Variants in LIG1 observed in about 807,000 individuals in gnomAD.
LIG1 encodes the protein ligase I, DNA, ATP-dependent.
In LIG1, 70 loss-of-function variants were observed where a neutral mutation model predicts 115.7. The ratio of observed to expected loss-of-function variants is 0.60; its 90% CI spans 0.50 to 0.74. LIG1 has a LOEUF of 0.74. LIG1 is among the 30% of genes least tolerant of loss of function. LIG1 has a pLI of 0.00. For synonymous variants in LIG1, 487 were observed against 495.3 expected (o/e 0.98, Z 0.22); for missense variants, 1,115 against 1,225.6 (o/e 0.91, Z 1.35).
chr19:48,161,143 G>A, intron 4 of LIG1: 1 of 603,632 alleles, frequency 1.7e-6, no homozygotes, highest in Non-Finnish European at 3.0e-6. Context: ...GGAGCTGCAT[G>A]TTACAGTTGA....
rs1207275566 is a variant in LIG1, at chr19:48,134,052, A to G, written c.1538T>C (p.Leu513Pro). The G allele has an allele frequency of 1.9e-6, 3 of 1,556,506 alleles. No individual in the cohort carries two copies. Among genetic ancestry groups the G allele is most frequent in the South Asian group, 2.4e-5 (2 of 84,462 alleles). Residue 513 changes from leucine to proline, a missense_variant, in exon 17 of 28, where the codon CTG (leucine) becomes CCG (proline). Transcript: ENST00000263274. ...CAGCAGCACGGGGATAATTCGGTCC[A>G]GGTCGGGAACCTCGCTGGGGTGGCG... is the stretch of plus-strand genomic sequence containing the variant. ...LKQTFCEVPD[L>P]DRIIPVLLEH...
chr19:48,149,454 A>G (rs1362622417), intron 9 of LIG1, among the ~76,000 whole-genome samples: 1 of 152,146 alleles, frequency 6.6e-6, no homozygotes, highest in Non-Finnish European at 1.5e-5. Context: ...GGTGTTAGAA[A>G]GATCCCCCAG....
chr19:48,117,971 C>G, intron 25 of LIG1, 190 bp from the exon 26 acceptor site: 1 of 636,284 alleles, frequency 1.6e-6, no homozygotes, highest in South Asian at 1.9e-5. Flanking sequence ...GAAAGAGAAA[C>G]AGAAAGTGAA....
At chr19:48,169,681 C>T (rs2036669722) in intron 1 of LIG1, 1 of 162,790 alleles carries the variant, frequency 6.1e-6, no homozygotes, top group African/African-American at 2.4e-5. Context: ...CCGCGATTTA[C>T]CTTCTTCTAG....
chr19:48,165,595 C>A lies in LIG1; in HGVS notation c.-29G>T. 1 of 1,613,916 alleles carries A rather than the reference C, an allele frequency of 6.2e-7. No homozygotes were observed. On this transcript the variant is annotated 5_prime_UTR_variant, in exon 2 of 28. Coordinates refer to ENST00000263274, the MANE Select transcript of LIG1 (RefSeq NM_000234.3). ...GGCGTCAGAATTCTCCCTTCCTGTC[C>A]AGCACTTTTCTTCGTCTGTCAGCTG...
Position 48,137,474 on chromosome 19 carries a change from G to A in LIG1, c.1254+48C>T. The A allele has an allele frequency of 6.2e-7, 1 of 1,603,886 alleles. No homozygotes were observed. The highest frequency in any genetic ancestry group is 8.5e-7 in the Non-Finnish European group (1 of 1,179,306). Reference sequence around the variant, plus strand: ...CCTTCCTGACACACGCGTGGCCTCAGGTCCCCAAGATGTCTGGGGTCCGGG... The same window carrying A: ...CCTTCCTGACACACGCGTGGCCTCAAGTCCCCAAGATGTCTGGGGTCCGGG... On this transcript the variant is annotated intron_variant, in intron 13 of 27. Transcript: ENST00000263274. This position sits in a 1 kb window ranked among gnomAD's most constrained non-coding sequence, Gnocchi z 4.3.
At chr19:48,162,233 A>T (rs1489518383) in intron 3 of LIG1, 29 bp downstream of exon 3, 1 of 1,582,712 alleles carries the variant, frequency 6.3e-7, no homozygotes, top group Non-Finnish European at 8.7e-7. Flanking sequence ...AAAGGAAAAA[A>T]TTCACCATAT....
chr19:48,122,866 C>T lies in LIG1; in HGVS notation c.2232+68G>A. 2 of 1,437,486 alleles carry T rather than the reference C, an allele frequency of 1.4e-6. No homozygotes were observed. The highest frequency in any genetic ancestry group is 9.8e-7 in the Non-Finnish European group (1 of 1,019,204). 89.0% of individuals were successfully genotyped at this position (1,437,486 alleles called of 1,614,324 possible). ...AGGGTACACAGTGGAGGCTCGAAAT[C>T]CACTGCCTAGCTGGGACAGACCTCC... On this transcript the variant is annotated intron_variant, in intron 23 of 27. Transcript: ENST00000263274. This position sits in a 1 kb window ranked among gnomAD's most constrained non-coding sequence, Gnocchi z 4.3.
At position 48,127,396 on chromosome 19, in the gene LIG1, G is replaced by T. The variant is rs2033740075; in HGVS notation, c.1933-48C>A. ...TCGTGAGTGCAGGAAGGTGAGACGG[G>T]GCACTGTGCCTGAGGCCGACAGCAT... On this transcript the variant is annotated intron_variant, in intron 20 of 27. Transcript: ENST00000263274. 4 of 1,534,420 alleles carry T rather than the reference G, an allele frequency of 2.6e-6. No individual in the cohort carries two copies. In the East Asian group the frequency reaches 9.0e-5, roughly 34 times the overall value.
intron 2 of LIG1, among the ~76,000 whole-genome samples, chr19:48,164,763 A>G (rs2036385791): frequency 6.6e-6 from 1 of 152,230 alleles, no homozygotes; most frequent in Non-Finnish European, 1.5e-5. Flanking sequence ...AAGTCAAGTC[A>G]TGCCCTTTCT....
chr19:48,140,787 G>A (rs1265721248), intron 11 of LIG1, among the ~76,000 whole-genome samples: 1 of 151,872 alleles, frequency 6.6e-6, no homozygotes, highest in African/African-American at 2.4e-5. Flanking sequence ...GACCCCCTGT[G>A]AGTCCATCTT....
At chr19:48,134,590 G>A (rs369734575) in intron 16 of LIG1, among the ~76,000 whole-genome samples, 2 of 152,242 alleles carry the variant, frequency 1.3e-5, no homozygotes, top group South Asian at 2.1e-4. Flanking sequence ...CCCTGGAGGC[G>A]GAAGTTGCAG....
chr19:48,142,451 A>AAAAAAAAAAAAAAAAAAC (rs1353351417), intron 11 of LIG1, among the ~76,000 whole-genome samples: 2 of 150,442 alleles, frequency 1.3e-5, no homozygotes, highest in Non-Finnish European at 3.0e-5. Flanking sequence ...TCAAAAAAAA[A>AAAAAAAAAAAAAAAAAAC]AAAAAACAGA....
At chr19:48,130,467 G>A (rs1427713417) in intron 19 of LIG1, among the ~76,000 whole-genome samples, 1 of 152,256 alleles carries the variant, frequency 6.6e-6, no homozygotes, top group African/African-American at 2.4e-5. Flanking sequence ...AGCCCTGTAT[G>A]ACTCTGAGCT....
intron 21 of LIG1, among the ~76,000 whole-genome samples, chr19:48,126,860 G>A (rs753896869): frequency 4.0e-5 from 6 of 151,728 alleles, no homozygotes; most frequent in Non-Finnish European, 8.8e-5. Context: ...TTACAGGCGT[G>A]AACCACAGTG....
intron 18 of LIG1, among the ~76,000 whole-genome samples, chr19:48,132,566 T>C (rs1205175076): frequency 2.0e-5 from 3 of 150,976 alleles, no homozygotes; most frequent in Admixed American, 6.6e-5. Flanking sequence ...CTGAGGTGGG[T>C]GGATCATGAG....
chr19:48,118,748 C>CT (rs1480941174), intron 25 of LIG1, among the ~76,000 whole-genome samples: 1 of 152,080 alleles, frequency 6.6e-6, no homozygotes, highest in East Asian at 1.9e-4. Context: ...TGAAAATAAA[C>CT]TAATACAGAT....
chr19:48,161,897 A>G (rs3730857), intron 3 of LIG1, among the ~76,000 whole-genome samples: 73,118 of 141,732 alleles, frequency 0.52, 18,979 homozygotes, highest in East Asian at 0.68. Context: ...CCGAGATCAC[A>G]CCATTGCACT....
intron 24 of LIG1, 161 bp downstream of exon 24, chr19:48,121,009 G>A (rs1377778658): frequency 6.6e-6 from 10 of 1,506,634 alleles, no homozygotes; most frequent in African/African-American, 2.8e-5. Flanking sequence ...TGAAGCAAGA[G>A]TTGCTCATAG....
Sources: allele counts gnomAD v4.1 joint callset (sites outside exome capture counted in the v4.1 genomes callset), GRCh38; gene constraint gnomAD v4.1.1; non-coding constraint Gnocchi (gnomAD v3.1); transcripts MANE v1.5; gene names NCBI Gene and HGNC (gene_info 2026-07-23, HGNC 2026-07-21).